CAST: variants seen among roughly 807,000 people sequenced by gnomAD.
CAST encodes the protein calpastatin, also known as MIR583 host.
In CAST, 76 loss-of-function variants were observed where a neutral mutation model predicts 119.6. That is an observed-to-expected ratio of 0.64 (90% confidence interval 0.53 to 0.77). The LOEUF (loss-of-function observed/expected upper bound fraction) is 0.77. CAST is among the 30% of genes least tolerant of loss of function. The probability of loss-of-function intolerance (pLI) is 0.00; values close to 1 mark genes in which losing one functional copy is unlikely to be tolerated. For missense variants in CAST, 953 were observed against 946.5 expected (o/e 1.01, Z -0.09); for synonymous variants, 319 against 331.6 (o/e 0.96, Z 0.41).
At chr5:96,393,039 G>A in the CAST span, 1 of 1,614,146 alleles carries the variant, frequency 6.2e-7, no homozygotes, top group South Asian at 1.1e-5. Context: ...AGAGCTTGAA[G>A]CAGCCGGTCG....
chr5:96,644,777 C>G (rs1747995170), intron 1 of CAST, among the ~76,000 whole-genome samples: 1 of 152,162 alleles, frequency 6.6e-6, no homozygotes, highest in Non-Finnish European at 1.5e-5. Flanking sequence ...GAGTTTGAGA[C>G]CAGCCTGGCC....
intron 1 of CAST, among the ~76,000 whole-genome samples, chr5:96,645,594 G>T (rs1748004801): frequency 6.6e-6 from 1 of 151,874 alleles, no homozygotes; most frequent in South Asian, 2.1e-4. Flanking sequence ...GGATTCTAAT[G>T]GTTTGGAAAA....
chr5:96,411,429 T>C, the CAST span, among the ~76,000 whole-genome samples: 1 of 152,388 alleles, frequency 6.6e-6, no homozygotes, highest in African/African-American at 2.4e-5. Context: ...GACTCTTCAA[T>C]TGAATGGAAC....
chr5:96,132,606 C>T, the CAST span, among the ~76,000 whole-genome samples: 1 of 152,214 alleles, frequency 6.6e-6, no homozygotes, highest in African/African-American at 2.4e-5. Flanking sequence ...CTACTCTCTA[C>T]CTCTATGAGA....
chr5:96,160,829 C>T, the CAST span, among the ~76,000 whole-genome samples: 5 of 152,284 alleles, frequency 3.3e-5, no homozygotes, highest in Admixed American at 1.3e-4. Flanking sequence ...GTCTATCTCA[C>T]TGTGGGTTAG....
intron 20 of CAST, among the ~76,000 whole-genome samples, chr5:96,753,174 T>C (rs550153959): frequency 6.6e-6 from 1 of 152,160 alleles, no homozygotes; most frequent in East Asian, 1.9e-4. Flanking sequence ...TTAAAAACTT[T>C]TTGTAAAGAT....
chr5:96,169,451 G>A, the CAST span, among the ~76,000 whole-genome samples: 3,827 of 152,170 alleles, frequency 0.025, 169 homozygotes, highest in African/African-American at 0.087. Flanking sequence ...CATGGGGTGG[G>A]TAGGCAAAAC....
At chr5:96,476,736 TC>T in the CAST span, among the ~76,000 whole-genome samples, 1 of 152,182 alleles carries the variant, frequency 6.6e-6, no homozygotes, top group Middle Eastern at 3.2e-3. Context: ...ATCTTAACTT[TC>T]AATACACTGG....
chr5:96,529,563 T>C (rs973708098), upstream of CAST, among the ~76,000 whole-genome samples: 4 of 152,310 alleles, frequency 2.6e-5, no homozygotes, highest in African/African-American at 7.2e-5. Flanking sequence ...ATAAATAAGC[T>C]TTTTGAGATT....
At chr5:95,978,953 C>T in the CAST span, among the ~76,000 whole-genome samples, 117 of 152,220 alleles carry the variant, frequency 7.7e-4, 2 homozygotes, top group South Asian at 0.023. Context: ...AATTAACACT[C>T]CTTAAATGTG....
chr5:96,575,711 C>G lies in CAST; in HGVS notation c.60+45831C>G, dbSNP rs77164748. Among the ~76,000 whole-genome samples the G allele has an allele frequency of 4.2e-3, 634 of 151,586 alleles. 2 individuals are homozygous for G. Among genetic ancestry groups the G allele is most frequent in the African/African-American group, 0.014 (598 of 41,318 alleles). ...AGGCTGGAGTGCAGTGGCACAATCACTGCTCACTTTAGCCTCACTCTTCTG... is the reference window on the plus strand; with the variant it reads ...AGGCTGGAGTGCAGTGGCACAATCAGTGCTCACTTTAGCCTCACTCTTCTG... On this transcript the variant is annotated intron_variant, in intron 1 of 11. Coordinates refer to the CAST transcript ENST00000505143.
the CAST span, among the ~76,000 whole-genome samples, chr5:96,261,744 A>T: frequency 1.3e-5 from 2 of 152,248 alleles, no homozygotes; most frequent in African/African-American, 2.4e-5. Context: ...ACAAAAAAAA[A>T]GGCCCCTGAA....
At chr5:96,512,277 A>G in the CAST span, among the ~76,000 whole-genome samples, 4 of 152,226 alleles carry the variant, frequency 2.6e-5, no homozygotes, top group Non-Finnish European at 5.9e-5. Flanking sequence ...ATGAACTTGC[A>G]TGCTTGGTAG....
the CAST span, among the ~76,000 whole-genome samples, chr5:96,198,301 A>G: frequency 6.6e-6 from 1 of 152,160 alleles, no homozygotes; most frequent in African/African-American, 2.4e-5. Context: ...AAGTATCTCT[A>G]TAAGTGAATA....
intron 3 of CAST, among the ~76,000 whole-genome samples, chr5:96,705,201 C>T (rs1008405606): frequency 1.3e-5 from 2 of 151,834 alleles, no homozygotes; most frequent in African/African-American, 4.8e-5. Context: ...CCTATGTGGC[C>T]CCAGCTACTT....
the CAST span, among the ~76,000 whole-genome samples, chr5:96,309,542 GCCT>G: frequency 6.6e-6 from 1 of 152,208 alleles, no homozygotes; most frequent in Admixed American, 6.5e-5. Flanking sequence ...TGCCCAAATG[GCCT>G]CCTAGTTTTG....
chr5:96,137,381 A>T, the CAST span, among the ~76,000 whole-genome samples: 637 of 152,168 alleles, frequency 4.2e-3, 3 homozygotes, highest in African/African-American at 6.7e-3. Flanking sequence ...CATTATATGG[A>T]TATATTGCAG....
the CAST span, among the ~76,000 whole-genome samples, chr5:96,238,366 C>CTTCTTCATCTTCTT: frequency 5.2e-4 from 12 of 23,210 alleles, no homozygotes; most frequent in East Asian, 2.0e-3. Flanking sequence ...TTCTTCTTCT[C>CTTCTTCATCTTCTT]CTTCTTCTCC....
chr5:96,490,384 G>A, the CAST span, among the ~76,000 whole-genome samples: 2 of 151,724 alleles, frequency 1.3e-5, no homozygotes, highest in Admixed American at 1.3e-4. Flanking sequence ...GTGTGTGTAT[G>A]TAAACAGACA....
Sources: gnomAD v4.1 joint callset for allele counts (sites outside exome capture counted in the v4.1 genomes callset) on GRCh38, gnomAD v4.1.1 for gene constraint, MANE v1.5 for transcripts, NCBI Gene and HGNC (gene_info 2026-07-23, HGNC 2026-07-21) for gene names.